ARHGAP25: variants seen among roughly 807,000 people sequenced by gnomAD.
The protein encoded by ARHGAP25 is rho GTPase-activating protein 25.
Under a neutral mutation model 71.0 loss-of-function variants are expected in ARHGAP25, and 34 were observed. That is an observed-to-expected ratio of 0.48 (90% CI 0.36 to 0.64). The LOEUF is 0.64. Among genes scored for constraint, ARHGAP25 ranks in the 30% least tolerant of loss-of-function variants. ARHGAP25 has a pLI of 0.00. For synonymous variants in ARHGAP25, 282 were observed against 296.5 expected (o/e 0.95, Z 0.50); for missense variants, 706 against 805.1 (o/e 0.88, Z 1.49).
At chr2:68,741,592 G>A (rs907408421) in intron 1 of ARHGAP25, among the ~76,000 whole-genome samples, 11 of 152,128 alleles carry the variant, frequency 7.2e-5, no homozygotes, top group African/African-American at 2.7e-4. Flanking sequence ...AAATATAGAT[G>A]GGGGAGTCTC....
chr2:68,822,660 T>C lies in ARHGAP25; in HGVS notation c.1521T>C (p.Pro507=), dbSNP rs1216833994. Residue 507 remains proline (P), a synonymous_variant, in exon 10 of 11, where the codon CCT becomes CCC. Transcript: ENST00000409202. The part of the protein sequence containing the change: ...SQRTSTYDNV[P]SLPGSPGEEA... ...GGACTTCCACCTACGATAACGTCCC[T>C]TCCCTGCCAGGGTCCCCTGGGGAGG... 12 of 1,614,128 alleles carry C rather than the reference T, an allele frequency of 7.4e-6. No individual in the cohort carries two copies. The highest frequency in any genetic ancestry group is 1.0e-5 in the Non-Finnish European group (12 of 1,180,022).
intron 1 of ARHGAP25, among the ~76,000 whole-genome samples, chr2:68,740,371 A>C (rs1675458488): frequency 6.6e-6 from 1 of 152,204 alleles, no homozygotes; most frequent in Non-Finnish European, 1.5e-5. Flanking sequence ...CTCTGCATGA[A>C]GGAATTAAAT....
chr2:68,787,131 G>A (rs1321806928), intron 3 of ARHGAP25, among the ~76,000 whole-genome samples: 3 of 151,864 alleles, frequency 2.0e-5, no homozygotes, highest in Non-Finnish European at 4.4e-5. Context: ...CTTTCTCTTC[G>A]TCTCCTTCTC....
intron 4 of ARHGAP25, among the ~76,000 whole-genome samples, chr2:68,803,741 C>T (rs1164107699): frequency 2.0e-5 from 3 of 151,290 alleles, no homozygotes; most frequent in Admixed American, 6.6e-5. Flanking sequence ...TGGGAGAAGA[C>T]AGGAACACAG....
At chr2:68,740,067 T>A (rs1675437190) in intron 1 of ARHGAP25, among the ~76,000 whole-genome samples, 1 of 152,158 alleles carries the variant, frequency 6.6e-6, no homozygotes, top group Admixed American at 6.5e-5. Context: ...ATATGAAATA[T>A]GAAGACAGTC....
intron 1 of ARHGAP25, among the ~76,000 whole-genome samples, chr2:68,768,323 C>G (rs1224271159): frequency 2.0e-5 from 3 of 152,216 alleles, no homozygotes; most frequent in Non-Finnish European, 2.9e-5. Flanking sequence ...ATCGTCCACT[C>G]TGCTCAAGTG....
At chr2:68,781,822 C>T (rs774349832) in intron 2 of ARHGAP25, among the ~76,000 whole-genome samples, 1 of 152,186 alleles carries the variant, frequency 6.6e-6, no homozygotes, top group Non-Finnish European at 1.5e-5. Flanking sequence ...CTCCAATGGT[C>T]ACCTGAGTGG....
At chr2:68,719,901 A>T (rs915714379) in intron 2 of ARHGAP25, among the ~76,000 whole-genome samples, 5 of 152,170 alleles carry the variant, frequency 3.3e-5, no homozygotes, top group African/African-American at 1.2e-4. Flanking sequence ...TGCCACCATC[A>T]TAATCACCTG....
intron 2 of ARHGAP25, 36 bp downstream of exon 2, chr2:68,775,456 C>A: frequency 6.2e-7 from 1 of 1,613,056 alleles, no homozygotes; most frequent in Non-Finnish European, 8.5e-7. Flanking sequence ...TCATAAGGCA[C>A]GGAGGAGGCG....
At chr2:68,789,981 C>T (rs1679048180) in intron 4 of ARHGAP25, among the ~76,000 whole-genome samples, 1 of 151,810 alleles carries the variant, frequency 6.6e-6, no homozygotes, top group Non-Finnish European at 1.5e-5. Context: ...TACAGCATCT[C>T]AGATTATTAT....
intron 4 of ARHGAP25, among the ~76,000 whole-genome samples, chr2:68,795,946 T>C (rs11685613): frequency 0.28 from 42,291 of 152,126 alleles, 6,662 homozygotes; most frequent in East Asian, 0.44. Context: ...ATGCTCCGTG[T>C]TGAGTGCATA....
chr2:68,808,235 A>G (rs570630995), intron 5 of ARHGAP25, among the ~76,000 whole-genome samples: 2 of 152,316 alleles, frequency 1.3e-5, no homozygotes, highest in South Asian at 2.1e-4. Context: ...CTGGCATAAG[A>G]TTGACTGCTC....
At chr2:68,733,942 A>G (rs1675094001), upstream of ARHGAP25, among the ~76,000 whole-genome samples, 1 of 152,228 alleles carries the variant, frequency 6.6e-6, no homozygotes, top group Non-Finnish European at 1.5e-5. Context: ...ATTGAAGCAC[A>G]AAGTGGTCAA....
At chr2:68,751,560 A>G (rs994406399) in intron 1 of ARHGAP25, among the ~76,000 whole-genome samples, 2 of 152,148 alleles carry the variant, frequency 1.3e-5, no homozygotes, top group South Asian at 4.1e-4. Context: ...ATGGCTTACA[A>G]TTACACCCAG....
chr2:68,778,446 G>A (rs1200396618), intron 2 of ARHGAP25, among the ~76,000 whole-genome samples: 1 of 151,870 alleles, frequency 6.6e-6, no homozygotes, highest in Admixed American at 6.6e-5. Flanking sequence ...CTGAATACTG[G>A]GGTTACACAT....
intron 2 of ARHGAP25, among the ~76,000 whole-genome samples, chr2:68,728,404 C>T (rs1049049659): frequency 6.6e-6 from 1 of 152,134 alleles, no homozygotes; most frequent in African/African-American, 2.4e-5. Context: ...AATGGTGCAG[C>T]TACTTTGTAA....
intron 1 of ARHGAP25, among the ~76,000 whole-genome samples, chr2:68,759,572 C>T (rs1676677648): frequency 6.6e-6 from 1 of 151,796 alleles, no homozygotes. Context: ...CTGAATATGC[C>T]TCTAACCAAG....
At chr2:68,757,773 A>G (rs1278953569) in intron 1 of ARHGAP25, 1 of 152,100 alleles carries the variant, frequency 6.6e-6, no homozygotes, top group Non-Finnish European at 1.5e-5. Context: ...TGCTATAATG[A>G]TGGTATGTAA....
chr2:68,825,441 A>G (rs768625588), intron 10 of ARHGAP25, among the ~76,000 whole-genome samples: 1 of 152,114 alleles, frequency 6.6e-6, no homozygotes, highest in Non-Finnish European at 1.5e-5. Context: ...ATGAGAAAAA[A>G]CACAATAGAT....
Sources: gnomAD v4.1 joint callset for allele counts (sites outside exome capture counted in the v4.1 genomes callset) on GRCh38, gnomAD v4.1.1 for gene constraint, MANE v1.5 for transcripts, NCBI Gene and HGNC (gene_info 2026-07-23, HGNC 2026-07-21) for gene names.